The following ARHGEF3 variants were observed in gnomAD, a reference collection of about 807,000 sequenced individuals.
The protein encoded by ARHGEF3 is 59.8 kDA protein.
A neutral mutation model predicts 63.2 loss-of-function variants in ARHGEF3; 28 were observed. That is an observed-to-expected ratio of 0.44 (90% CI 0.33 to 0.61). The LOEUF (loss-of-function observed/expected upper bound fraction) is 0.61. Ranked by LOEUF, ARHGEF3 falls within the 20% of genes least tolerant of loss-of-function variation. The probability of loss-of-function intolerance (pLI) is 0.03; values close to 1 mark genes in which losing one functional copy is unlikely to be tolerated. For missense variants in ARHGEF3, 533 were observed against 659.3 expected (o/e 0.81, Z 2.10); for synonymous variants, 266 against 254.2 (o/e 1.05, Z -0.44).
At chr3:57,018,183 G>A (rs1703100221) in intron 2 of ARHGEF3, among the ~76,000 whole-genome samples, 1 of 151,448 alleles carries the variant, frequency 6.6e-6, no homozygotes, top group South Asian at 2.1e-4. Context: ...GCAGGCTGAG[G>A]CAGGAGAATC....
At chr3:56,737,411 C>G (rs979081842) in intron 7 of ARHGEF3, 56 bp from the exon 8 acceptor site, 33 of 1,466,406 alleles carry the variant, frequency 2.3e-5, no homozygotes, top group Non-Finnish European at 3.1e-5. Context: ...CCATTCACAC[C>G]AAGTCTTAGG....
intron 4 of ARHGEF3, among the ~76,000 whole-genome samples, chr3:56,862,253 A>G (rs1471381601): frequency 6.6e-6 from 1 of 152,060 alleles, no homozygotes; most frequent in East Asian, 1.9e-4. Context: ...CCTCAGAACC[A>G]ACCAAGAACC....
intron 4 of ARHGEF3, among the ~76,000 whole-genome samples, chr3:56,867,763 G>C (rs559614630): frequency 6.6e-6 from 1 of 152,162 alleles, no homozygotes; most frequent in Non-Finnish European, 1.5e-5. Context: ...AAGCTACCGC[G>C]CCTGGCCTGG....
Position 56,842,274 on chromosome 3 carries a change from G to A in ARHGEF3, c.192+40018C>T, listed in dbSNP as rs149631086. On this transcript the variant is annotated intron_variant, in intron 4 of 12. Coordinates refer to the ARHGEF3 transcript ENST00000338458. ...CATTTTTATTTTAACAGTTATATAT[G>A]TCTTTATTTTAATGTGGATTAGAAA... is the stretch of plus-strand genomic sequence containing the variant. 2.6e-3 allele frequency among the ~76,000 whole-genome samples: 389 copies of A among 152,216 alleles called. 1 individual carries two copies. Among genetic ancestry groups the A allele is most frequent in the African/African-American group, 8.8e-3 (367 of 41,530 alleles).
chr3:57,020,628 T>G (rs1410520550), intron 2 of ARHGEF3, among the ~76,000 whole-genome samples: 1 of 152,218 alleles, frequency 6.6e-6, no homozygotes, highest in Non-Finnish European at 1.5e-5. Context: ...AATGCCAGCC[T>G]GGAGTTGGTG....
chr3:56,968,043 A>T lies in ARHGEF3; in HGVS notation c.63-9154T>A, dbSNP rs867132650. Among the ~76,000 whole-genome samples the T allele has an allele frequency of 7.9e-3, 37 of 4,712 alleles. No individual in the cohort carries two copies. The South Asian group carries it at 0.23, about 29-fold the overall frequency. 3.1% of individuals were successfully genotyped at this position (4,712 alleles called of 152,430 possible). ...AAACATATATATTTAATATATATAA[A>T]ATATATATAATATATATAATATATA... On this transcript the variant is annotated intron_variant, in intron 2 of 12. Coordinates refer to the ARHGEF3 transcript ENST00000338458.
intron 2 of ARHGEF3, among the ~76,000 whole-genome samples, chr3:56,771,150 T>A (rs2035986024): frequency 6.6e-6 from 1 of 152,098 alleles, no homozygotes; most frequent in South Asian, 2.1e-4. Context: ...AAAAAATCTT[T>A]GAGGTTTTAA....
At chr3:56,910,258 A>T (rs2041820905) in intron 3 of ARHGEF3, among the ~76,000 whole-genome samples, 2 of 152,154 alleles carry the variant, frequency 1.3e-5, no homozygotes, top group Non-Finnish European at 2.9e-5. Flanking sequence ...CTGGGCTGGT[A>T]ATGTTCCATT....
At chr3:57,001,500 A>G (rs1702190375) in intron 2 of ARHGEF3, among the ~76,000 whole-genome samples, 1 of 152,182 alleles carries the variant, frequency 6.6e-6, no homozygotes, top group South Asian at 2.1e-4. Flanking sequence ...ACAGAACTCA[A>G]CACGTTCCCA....
In ARHGEF3 at chr3:56,801,899, G is replaced by A; in HGVS notation, c.-101C>T. 1.3e-6 allele frequency: 2 copies of A among 1,546,358 alleles called. No individual in the cohort carries two copies. Among genetic ancestry groups the A allele is most frequent in the Non-Finnish European group, 1.7e-6 (2 of 1,146,496 alleles). The stretch of plus-strand genomic sequence containing the variant: ...CCCCAGCTCCACGATGCCGGGCGGC[G>A]GCGGCGACACGGAGACCGACAGCCG... On this transcript the variant is annotated 5_prime_UTR_variant, in exon 1 of 10. Transcript: ENST00000296315.
chr3:56,947,285 C>T (rs1377846984), intron 3 of ARHGEF3, among the ~76,000 whole-genome samples: 2 of 152,080 alleles, frequency 1.3e-5, no homozygotes, highest in African/African-American at 2.4e-5. Flanking sequence ...CAATATTAAC[C>T]TTAAATGTAA....
At chr3:56,971,299 C>T (rs1037166613) in intron 2 of ARHGEF3, among the ~76,000 whole-genome samples, 2 of 152,086 alleles carry the variant, frequency 1.3e-5, no homozygotes, top group African/African-American at 2.4e-5. Flanking sequence ...GCAGGGACCC[C>T]GAAGCAAGCC....
At chr3:57,028,779 G>A (rs1703594042) in intron 2 of ARHGEF3, among the ~76,000 whole-genome samples, 1 of 151,872 alleles carries the variant, frequency 6.6e-6, no homozygotes, top group South Asian at 2.1e-4. Flanking sequence ...TTGTTCACTG[G>A]GTTGCGACGA....
At chr3:57,015,954 C>T (rs114231761) in intron 2 of ARHGEF3, among the ~76,000 whole-genome samples, 199 of 152,170 alleles carry the variant, frequency 1.3e-3, no homozygotes, top group Non-Finnish European at 2.3e-3. Context: ...CCCAGATGGC[C>T]GAATCTTGCA....
chr3:56,946,651 T>C (rs923750834), intron 3 of ARHGEF3, among the ~76,000 whole-genome samples: 3 of 152,198 alleles, frequency 2.0e-5, no homozygotes, highest in African/African-American at 7.2e-5. Context: ...CTACGTCTGG[T>C]TGGTGTACCT....
intron 3 of ARHGEF3, among the ~76,000 whole-genome samples, chr3:56,949,885 A>G (rs1350732905): frequency 1.3e-5 from 2 of 152,048 alleles, no homozygotes; most frequent in East Asian, 3.8e-4. Flanking sequence ...AAACTATACT[A>G]CAAGGCTACA....
At chr3:57,017,065 C>CACACAT in intron 2 of ARHGEF3, among the ~76,000 whole-genome samples, 1 of 149,080 alleles carries the variant, frequency 6.7e-6, no homozygotes, top group Admixed American at 6.7e-5. Context: ...CACACACACA[C>CACACAT]GAGTCACCAA....
Position 56,856,064 on chromosome 3 carries a change from G to A in ARHGEF3, c.192+26228C>T, listed in dbSNP as rs115299021. ...CTGCAGACCAGCAGGGGGCCCTGCC[G>A]CAGAGGAGGAAGATGTGGGGCCAGG... On this transcript the variant is annotated intron_variant, in intron 4 of 12. Coordinates refer to the ARHGEF3 transcript ENST00000338458. 2.2e-3 allele frequency among the ~76,000 whole-genome samples: 332 copies of A among 152,264 alleles called. 2 individuals carry two copies. Among genetic ancestry groups the A allele is most frequent in the African/African-American group, 7.9e-3 (327 of 41,542 alleles).
chr3:56,733,095 A>C (rs2033302175), intron 8 of ARHGEF3, among the ~76,000 whole-genome samples: 1 of 150,958 alleles, frequency 6.6e-6, no homozygotes, highest in South Asian at 2.1e-4. Flanking sequence ...CATCCTGGCT[A>C]ACACAGTGAA....
Sources: gnomAD v4.1 joint callset for allele counts (sites outside exome capture counted in the v4.1 genomes callset) on GRCh38, gnomAD v4.1.1 for gene constraint, MANE v1.5 for transcripts, NCBI Gene and HGNC (gene_info 2026-07-23, HGNC 2026-07-21) for gene names.